Variants in ASTN2 observed in about 807,000 individuals in gnomAD.
ASTN2 encodes the protein astrotactin-2.
In ASTN2, 54 loss-of-function variants were observed where a neutral mutation model predicts 139.8. That is an observed-to-expected ratio of 0.39 (90% CI 0.31 to 0.48). The LOEUF (loss-of-function observed/expected upper bound fraction) is 0.48, where lower values mean the gene tolerates loss of function less well. ASTN2 is among the 20% of genes least tolerant of loss of function. The pLI, the probability that ASTN2 is intolerant of heterozygous loss-of-function variation, is 0.95. For missense variants in ASTN2, 1,565 were observed against 1,725.1 expected, an observed-to-expected ratio of 0.91 and a Z score of 1.64; for synonymous variants, 756 against 719.5, an observed-to-expected ratio of 1.05 and a Z score of -0.81.
At chr9:117,031,174 G>A (rs1159988822) in intron 6 of ASTN2, among the ~76,000 whole-genome samples, 1 of 152,118 alleles carries the variant, frequency 6.6e-6, no homozygotes, top group Non-Finnish European at 1.5e-5. Context: ...TTGGGGATGG[G>A]AGCAACATCC....
At chr9:117,138,680 G>A (rs1830007074) in intron 4 of ASTN2, among the ~76,000 whole-genome samples, 2 of 152,204 alleles carry the variant, frequency 1.3e-5, no homozygotes, top group South Asian at 4.1e-4. Flanking sequence ...GTTAATAAAT[G>A]ACAGTGGTCA....
At chr9:117,085,321 GT>G (rs1828533438) in intron 5 of ASTN2, among the ~76,000 whole-genome samples, 1 of 152,180 alleles carries the variant, frequency 6.6e-6, no homozygotes. Context: ...GCTGGTAATT[GT>G]TTAACAATGG....
At chr9:117,043,350 A>G (rs1838636070) in intron 5 of ASTN2, among the ~76,000 whole-genome samples, 1 of 152,128 alleles carries the variant, frequency 6.6e-6, no homozygotes, top group East Asian at 1.9e-4. Context: ...GTCATGGATA[A>G]TAGCACCCTG....
intron 5 of ASTN2, among the ~76,000 whole-genome samples, chr9:117,049,694 G>T (rs185677059): frequency 5.6e-4 from 85 of 152,286 alleles, no homozygotes; most frequent in African/African-American, 1.9e-3. Flanking sequence ...AGTCTGGTCT[G>T]AAACCAATGT....
At chr9:117,150,105 A>C (rs1830293772) in intron 3 of ASTN2, among the ~76,000 whole-genome samples, 3 of 152,190 alleles carry the variant, frequency 2.0e-5, no homozygotes, top group Non-Finnish European at 2.9e-5. Flanking sequence ...TGATGGAATT[A>C]AATTTAGCGA....
intron 20 of ASTN2, among the ~76,000 whole-genome samples, chr9:116,483,895 A>G (rs930235574): frequency 1.3e-5 from 2 of 152,216 alleles, no homozygotes; most frequent in African/African-American, 4.8e-5. Context: ...GCAGGGCATG[A>G]GCCCAGATTC....
intron 1 of ASTN2, among the ~76,000 whole-genome samples, chr9:117,386,267 G>A (rs2130936701): frequency 6.6e-6 from 1 of 152,240 alleles, no homozygotes; most frequent in Middle Eastern, 3.4e-3. Context: ...ATATCTTTAT[G>A]AGGACCACCC....
intron 19 of ASTN2, among the ~76,000 whole-genome samples, chr9:116,517,685 G>A (rs953757711): frequency 1.3e-5 from 2 of 152,210 alleles, no homozygotes; most frequent in Non-Finnish European, 1.5e-5. Context: ...AAAGAATTCA[G>A]AGGGCTGATT....
At chr9:116,639,439 T>C (rs1044254519) in intron 17 of ASTN2, among the ~76,000 whole-genome samples, 1 of 152,208 alleles carries the variant, frequency 6.6e-6, no homozygotes, top group Non-Finnish European at 1.5e-5. Context: ...ACATCTGGAA[T>C]GACTTTTTTT....
At position 116,901,413 on chromosome 9, in the gene ASTN2, G is replaced by A. The variant is rs549037746; in HGVS notation, c.1890-37680C>T. ...TATGGCTGTAGTCCCAGGTACTCAG[G>A]CAGCTGAGGTAGAGGGTTGCCTGAG... On this transcript the variant is annotated intron_variant, in intron 10 of 22. Coordinates refer to ENST00000313400, the MANE Select transcript of ASTN2 (RefSeq NM_001365068.1). Among the ~76,000 whole-genome samples, 3 of 152,242 alleles carry A rather than the reference G, an allele frequency of 2.0e-5. No homozygotes were observed. The South Asian group carries it at 6.2e-4, about 32-fold the overall frequency.
chr9:116,827,881 T>C (rs940821040), intron 11 of ASTN2, among the ~76,000 whole-genome samples: 2 of 152,150 alleles, frequency 1.3e-5, no homozygotes, highest in Non-Finnish European at 2.9e-5. Flanking sequence ...TCTTTCTAAC[T>C]CATTCTATCA....
chr9:117,373,922 C>T (rs558548510), intron 1 of ASTN2, among the ~76,000 whole-genome samples: 46 of 152,198 alleles, frequency 3.0e-4, no homozygotes, highest in African/African-American at 1.1e-3. Flanking sequence ...TACTGAAGCA[C>T]TTAATGATTA....
chr9:117,107,350 AG>A (rs1450378663), intron 4 of ASTN2, among the ~76,000 whole-genome samples: 6 of 152,178 alleles, frequency 3.9e-5, no homozygotes, highest in Admixed American at 1.3e-4. Flanking sequence ...GATGGGTCAA[AG>A]GGTTTCGACA....
At chr9:116,472,357 C>T (rs976850672) in intron 20 of ASTN2, among the ~76,000 whole-genome samples, 5 of 152,186 alleles carry the variant, frequency 3.3e-5, no homozygotes, top group African/African-American at 1.2e-4. Flanking sequence ...CCAGACCTAG[C>T]TCAAAGGCAC....
At chr9:116,476,069 G>A (rs962075765) in intron 20 of ASTN2, among the ~76,000 whole-genome samples, 4 of 152,170 alleles carry the variant, frequency 2.6e-5, no homozygotes, top group Non-Finnish European at 5.9e-5. Flanking sequence ...GAGGCTAGAC[G>A]TGTGAAATCA....
chr9:116,464,018 G>A (rs12156511), intron 20 of ASTN2, among the ~76,000 whole-genome samples: 1 of 150,998 alleles, frequency 6.6e-6, no homozygotes, highest in Non-Finnish European at 1.5e-5. Flanking sequence ...AAAGTGCTGA[G>A]ATTAAAGGTG....
Position 116,698,728 on chromosome 9 carries a change from C to G in ASTN2, c.2806+27043G>C, listed in dbSNP as rs377510422. The G allele has an allele frequency of 6.2e-7, 1 of 1,614,112 alleles. No homozygotes were observed. The highest frequency in any genetic ancestry group is 1.3e-5 in the African/African-American group (1 of 75,014). ...ACTTTTAGAGAGATGGACATGAGCC[C>G]GGAGGAAGTGGTTGCCAGCCCTAGG... On this transcript the variant is annotated intron_variant, in intron 16 of 22. Coordinates refer to ENST00000313400, the MANE Select transcript of ASTN2 (RefSeq NM_001365068.1). The surrounding 1 kb of genome is among the most constrained non-coding windows in gnomAD (Gnocchi z 4.4).
chr9:117,252,793 C>A (rs1484642153), intron 2 of ASTN2, among the ~76,000 whole-genome samples: 2 of 152,154 alleles, frequency 1.3e-5, no homozygotes, highest in Non-Finnish European at 2.9e-5. Flanking sequence ...AAGATTTTGC[C>A]AAAGCCCTTT....
At chr9:117,385,841 A>T (rs144456975) in intron 1 of ASTN2, among the ~76,000 whole-genome samples, 1 of 152,260 alleles carries the variant, frequency 6.6e-6, no homozygotes, top group African/African-American at 2.4e-5. Flanking sequence ...AAAGGAGTAA[A>T]AAATTCTCTG....
Sources: allele counts gnomAD v4.1 joint callset (sites outside exome capture counted in the v4.1 genomes callset), GRCh38; gene constraint gnomAD v4.1.1; non-coding constraint Gnocchi (gnomAD v3.1); transcripts MANE v1.5; gene names NCBI Gene and HGNC (gene_info 2026-07-23, HGNC 2026-07-21).